Variants in ZMYM6 observed in about 807,000 individuals in gnomAD.
ZMYM6 encodes zinc finger MYM-type containing 6.
In ZMYM6, 90 loss-of-function variants were observed where a neutral mutation model predicts 134.0. The observed-to-expected ratio is 0.67, with a 90% confidence interval of 0.57 to 0.80. ZMYM6 has a LOEUF of 0.80. ZMYM6 is among the 30% of genes least tolerant of loss of function. The probability of loss-of-function intolerance (pLI) is 0.00; values close to 1 mark genes in which losing one functional copy is unlikely to be tolerated. For missense variants in ZMYM6, 1,362 were observed against 1,533.9 expected, an observed-to-expected ratio of 0.89 and a Z score of 1.87; for synonymous variants, 481 against 524.1, an observed-to-expected ratio of 0.92 and a Z score of 1.12.
intron 4 of ZMYM6, among the ~76,000 whole-genome samples, chr1:35,017,074 G>A (rs1641214962): frequency 6.6e-6 from 1 of 151,948 alleles, no homozygotes; most frequent in Non-Finnish European, 1.5e-5. Context: ...TACAGATGAG[G>A]AAACTGAATG....
At chr1:35,010,365 A>C in intron 10 of ZMYM6, 82 bp downstream of exon 10, 9 of 1,506,580 alleles carry the variant, frequency 6.0e-6, no homozygotes, top group Non-Finnish European at 8.0e-6. Flanking sequence ...AAAGAATGTG[A>C]AAACTAATCA....
rs748753112 is a variant in ZMYM6, at chr1:35,007,074, G to A, written c.1690C>T (p.Arg564Ter). ...YQMAKCDGCKRQGKLSESIKW... is the reference protein window; with the variant it reads ...YQMAKCDGCK ...ATGGACTCGCTTAGTTTACCCTGTC[G>A]TTTACAACCATCACACTTGGCCATC... The change falls in exon 12 of 16, where the codon CGA becomes TGA. Residue 564 changes from arginine (R) to a stop codon, truncating the protein, a stop_gained. Coordinates refer to ENST00000357182, the MANE Select transcript of ZMYM6 (RefSeq NM_007167.4). LOFTEE classifies it high-confidence loss of function. 10 of 1,605,414 alleles carry A rather than the reference G, an allele frequency of 6.2e-6. No homozygotes were observed. The highest frequency in any genetic ancestry group is 2.2e-5 in the South Asian group (2 of 89,316).
chr1:34,999,593 C>G (rs1187415796), intron 14 of ZMYM6, among the ~76,000 whole-genome samples: 1 of 151,500 alleles, frequency 6.6e-6, no homozygotes, highest in Non-Finnish European at 1.5e-5. Flanking sequence ...TAATTCAACA[C>G]AAAAATAGGG....
intron 2 of ZMYM6, among the ~76,000 whole-genome samples, chr1:35,027,525 G>A (rs560317816): frequency 3.0e-4 from 45 of 152,274 alleles, no homozygotes; most frequent in African/African-American, 7.7e-4. Context: ...AAGGCAGGAG[G>A]ATTGCTTGAG....
intron 14 of ZMYM6, among the ~76,000 whole-genome samples, chr1:35,003,496 A>C (rs940703165): frequency 6.6e-6 from 1 of 152,266 alleles, no homozygotes; most frequent in Admixed American, 6.5e-5. Context: ...AAACAGGACT[A>C]CACTGAACTT....
chr1:35,013,945 C>T (rs1290269620), intron 6 of ZMYM6, among the ~76,000 whole-genome samples: 6 of 152,208 alleles, frequency 3.9e-5, no homozygotes, highest in Admixed American at 3.3e-4. Context: ...CCGCCTTGAC[C>T]TCCCAAAGTG....
At chr1:34,992,883 A>G (rs1242838144) in intron 14 of ZMYM6, among the ~76,000 whole-genome samples, 1 of 147,096 alleles carries the variant, frequency 6.8e-6, no homozygotes, top group Non-Finnish European at 1.5e-5. Flanking sequence ...AACTATAAAT[A>G]TAAAAATTAT....
At chr1:35,019,066 T>C in intron 4 of ZMYM6, 2 of 522,588 alleles carry the variant, frequency 3.8e-6, no homozygotes, top group Admixed American at 3.7e-5. Context: ...ATTTAAATGG[T>C]GGGTGTCTAC....
intron 4 of ZMYM6, chr1:35,018,222 T>C (rs977520926): frequency 6.6e-6 from 1 of 151,914 alleles, no homozygotes; most frequent in African/African-American, 2.4e-5. Flanking sequence ...TATGCGCCTG[T>C]GGTCCCAGCT....
intron 14 of ZMYM6, among the ~76,000 whole-genome samples, chr1:34,994,912 GT>G (rs1370112042): frequency 7.5e-6 from 1 of 134,110 alleles, no homozygotes; most frequent in African/African-American, 3.6e-5. Flanking sequence ...ATGTATATAT[GT>G]GTGTATATAT....
Position 35,014,696 on chromosome 1 carries a change from C to A in ZMYM6, c.795+1G>T. On this transcript the variant is annotated splice_donor_variant, in intron 6 of 15. Coordinates refer to ENST00000357182, the MANE Select transcript of ZMYM6 (RefSeq NM_007167.4). LOFTEE classifies it high-confidence loss of function. ...TACATGCAACAAATAGATATTCATACCTGCTTGTATGCCGTGACACTTGTT... is the reference window on the plus strand; with the variant it reads ...TACATGCAACAAATAGATATTCATAACTGCTTGTATGCCGTGACACTTGTT... The A allele has an allele frequency of 6.2e-7, 1 of 1,612,690 alleles. No homozygotes were observed. The highest frequency in any genetic ancestry group is 8.5e-7 in the Non-Finnish European group (1 of 1,179,260).
intron 5 of ZMYM6, 34 bp downstream of exon 5, chr1:35,014,954 A>G (rs377206217): frequency 1.2e-6 from 2 of 1,609,668 alleles, no homozygotes; most frequent in Non-Finnish European, 1.7e-6. Flanking sequence ...AATCTCTTTC[A>G]GCAGAATCCC....
intron 2 of ZMYM6, among the ~76,000 whole-genome samples, chr1:35,021,086 T>A (rs7526321): frequency 1.3e-5 from 2 of 150,776 alleles, no homozygotes; most frequent in South Asian, 4.2e-4. Context: ...TTAGGTAGTG[T>A]GTTTAAAAGG....
At chr1:35,025,266 G>A (rs561144779) in intron 2 of ZMYM6, among the ~76,000 whole-genome samples, 9 of 150,792 alleles carry the variant, frequency 6.0e-5, no homozygotes, top group African/African-American at 1.7e-4. Context: ...GGTAGAGTTC[G>A]AGACCAGCCG....
chr1:35,002,396 T>C (rs1640895517), intron 14 of ZMYM6, among the ~76,000 whole-genome samples: 1 of 152,204 alleles, frequency 6.6e-6, no homozygotes, highest in Non-Finnish European at 1.5e-5. Flanking sequence ...TGGTGGGCTT[T>C]AAAATTGGAG....
intron 10 of ZMYM6, among the ~76,000 whole-genome samples, chr1:35,009,959 A>G (rs1406591219): frequency 6.6e-6 from 1 of 152,144 alleles, no homozygotes. Flanking sequence ...AACAAAAATA[A>G]TAAATAAAAA....
Position 34,988,547 on chromosome 1 carries a change from T to A in ZMYM6, c.2535A>T (p.Pro845=). ...IAFQTAASKK[P]FSIAEELIKP... Reference sequence around the variant, plus strand: ...TAATTAATTCTTCAGCAATGGAGAATGGCTTCTTGCTTGCAGCAGTTTGGA... The same window carrying A: ...TAATTAATTCTTCAGCAATGGAGAAAGGCTTCTTGCTTGCAGCAGTTTGGA... The change falls in exon 16 of 16, where the codon CCA becomes CCT. Residue 845 remains proline (P), a synonymous_variant. Transcript: ENST00000357182. 6.4e-7 allele frequency: 1 copy of A among 1,551,326 alleles called. No homozygotes were observed. Among genetic ancestry groups the A allele is most frequent in the Non-Finnish European group, 8.7e-7 (1 of 1,146,894 alleles).
chr1:35,005,649 A>G (rs892700094), intron 12 of ZMYM6, among the ~76,000 whole-genome samples: 3 of 151,574 alleles, frequency 2.0e-5, no homozygotes, highest in Non-Finnish European at 2.9e-5. Context: ...AAAAAAAAAA[A>G]AAGACAGGTA....
At chr1:35,027,470 C>A (rs1229155456) in intron 2 of ZMYM6, among the ~76,000 whole-genome samples, 1 of 152,120 alleles carries the variant, frequency 6.6e-6, no homozygotes, top group Non-Finnish European at 1.5e-5. Context: ...TGAAATAGTT[C>A]AGGCATGATG....
Sources: gnomAD v4.1 joint callset for allele counts (sites outside exome capture counted in the v4.1 genomes callset) on GRCh38, gnomAD v4.1.1 for gene constraint, MANE v1.5 for transcripts, NCBI Gene and HGNC (gene_info 2026-07-23, HGNC 2026-07-21) for gene names.